GPR37: variants seen among roughly 807,000 people sequenced by gnomAD.
GPR37 encodes the protein prosaposin receptor GPR37.
In GPR37, 20 loss-of-function variants were observed where a neutral mutation model predicts 43.6. The ratio of observed to expected loss-of-function variants is 0.46; its 90% CI spans 0.32 to 0.67. The LOEUF (loss-of-function observed/expected upper bound fraction) is 0.67, where lower values mean the gene tolerates loss of function less well. Among genes scored for constraint, GPR37 ranks in the 30% least tolerant of loss-of-function variants. The pLI is 0.03. For missense variants in GPR37, 724 were observed against 797.2 expected (o/e 0.91, Z 1.11); for synonymous variants, 315 against 322.6 (o/e 0.98, Z 0.25).
chr7:124,756,657 T>C (rs1289542457), intron 1 of GPR37, among the ~76,000 whole-genome samples: 1 of 152,192 alleles, frequency 6.6e-6, no homozygotes, highest in African/African-American at 2.4e-5. Context: ...TATTGGACCT[T>C]GGCAGGTCAA....
intron 1 of GPR37, among the ~76,000 whole-genome samples, chr7:124,754,467 C>T (rs756615769): frequency 5.9e-5 from 9 of 151,894 alleles, no homozygotes; most frequent in Non-Finnish European, 1.0e-4. Flanking sequence ...CAAAACTTTC[C>T]GGTACAAATC....
rs1243521536 is a variant in GPR37 at position 124,764,306 on chromosome 7, G to T, written c.671C>A (p.Ser224Tyr). ...LPGRALAQNG[S>Y]LGEGIHEPGG... ...AGGCTCATGGATTCCTTCACCCAAG[G>T]ATCCATTCTGGGCCAGCGCCCGGCC... Residue 224 changes from serine (S) to tyrosine (Y), a missense_variant, in exon 1 of 2, where the codon TCC (serine) becomes TAC (tyrosine). Physicochemically the swap from Ser to Tyr is moderately radical, Grantham distance 144 (BLOSUM62 -2). This residue lies in a region of GPR37 where 382 missense variants were observed against 355.4 expected (regional missense o/e 1.07). Coordinates refer to ENST00000303921, the MANE Select transcript of GPR37 (RefSeq NM_005302.5). The surrounding 1 kb of genome is among the most constrained non-coding windows in gnomAD (Gnocchi z 5.4). 1 of 1,607,832 alleles carries T rather than the reference G, an allele frequency of 6.2e-7. No homozygotes were observed. The highest frequency in any genetic ancestry group is 8.5e-7 in the Non-Finnish European group (1 of 1,176,856).
chr7:124,754,933 T>C (rs930146603), intron 1 of GPR37, among the ~76,000 whole-genome samples: 3 of 152,288 alleles, frequency 2.0e-5, no homozygotes, highest in Admixed American at 1.3e-4. Context: ...CAGTGGGAGA[T>C]ACTTTTTTGA....
At chr7:124,747,377 T>C (rs1487312779) in intron 1 of GPR37, 34 bp from the exon 2 acceptor site, 14 of 1,404,486 alleles carry the variant, frequency 1.0e-5, no homozygotes, top group African/African-American at 2.8e-5. Context: ...TTATTCCCGG[T>C]GTCCCCCGAA....
chr7:124,760,980 A>C (rs1793844413), intron 1 of GPR37, among the ~76,000 whole-genome samples: 1 of 152,062 alleles, frequency 6.6e-6, no homozygotes. Flanking sequence ...ACATGGTGAA[A>C]GCCCATCTCT....
intron 1 of GPR37, among the ~76,000 whole-genome samples, chr7:124,756,507 A>G (rs1456505736): frequency 1.3e-5 from 2 of 152,136 alleles, no homozygotes; most frequent in Non-Finnish European, 2.9e-5. Flanking sequence ...ATAAAAAAAG[A>G]CCCTCCATAT....
chr7:124,764,821 G>T lies in GPR37; in HGVS notation c.156C>A (p.Arg52=). 1 of 1,613,706 alleles carries T rather than the reference G, an allele frequency of 6.2e-7. No homozygotes were observed. Among genetic ancestry groups the T allele is most frequent in the Non-Finnish European group, 8.5e-7 (1 of 1,180,020 alleles). Residue 52 remains arginine (R), a synonymous_variant, in exon 1 of 2, where the codon CGC becomes CGA. Coordinates refer to ENST00000303921, the MANE Select transcript of GPR37 (RefSeq NM_005302.5). The surrounding 1 kb of genome is among the most constrained non-coding windows in gnomAD (Gnocchi z 5.4). The stretch of plus-strand genomic sequence containing the variant: ...TTCCCGGTCCCCAGGCGTCCCTGCC[G>T]CGGCGCTGGATCACTGTAGGTGCAC... ...ESCAPTVIQR[R]GRDAWGPGNS...
chr7:124,759,480 C>A (rs1017982687), intron 1 of GPR37, among the ~76,000 whole-genome samples: 1 of 152,146 alleles, frequency 6.6e-6, no homozygotes, highest in Admixed American at 6.5e-5. Context: ...CTCCACCTCC[C>A]CTAATACACA....
Position 124,765,228 on chromosome 7 carries a change from G to A in GPR37, c.-252C>T, listed in dbSNP as rs1389014559. The A allele has an allele frequency of 4.7e-6, 2 of 423,166 alleles. No individual in the cohort carries two copies. Among genetic ancestry groups the A allele is most frequent in the African/African-American group, 4.1e-5 (2 of 48,606 alleles). The allele number at this position is 423,166 out of a possible 1,614,324, so 26.2% of individuals were successfully genotyped here. On this transcript the variant is annotated 5_prime_UTR_variant, in exon 1 of 2. Coordinates refer to ENST00000303921, the MANE Select transcript of GPR37 (RefSeq NM_005302.5). ...AGTCCCAGCAAGGTATGCCCTCCAA[G>A]GTTCCTAGAGGGAATAGGCTACTCC...
intron 1 of GPR37, among the ~76,000 whole-genome samples, chr7:124,748,252 G>A (rs1471557292): frequency 6.6e-6 from 1 of 152,124 alleles, no homozygotes; most frequent in African/African-American, 2.4e-5. Context: ...GTTTGGGTCT[G>A]GATGAACTGG....
At position 124,764,376 on chromosome 7, in the gene GPR37, C is replaced by T. The variant is rs1257956705; in HGVS notation, c.601G>A (p.Ala201Thr). The T allele has an allele frequency of 2.5e-6, 4 of 1,613,756 alleles. No homozygotes were observed. Among genetic ancestry groups the T allele is most frequent in the Non-Finnish European group, 8.5e-7 (1 of 1,180,026 alleles). Residue 201 changes from alanine to threonine, a missense_variant, in exon 1 of 2, where the codon GCC (alanine) becomes ACC (threonine). By Grantham distance (58) the Ala-to-Thr change is moderately conservative. Coordinates refer to ENST00000303921, the MANE Select transcript of GPR37 (RefSeq NM_005302.5). The surrounding 1 kb of genome is among the most constrained non-coding windows in gnomAD (Gnocchi z 5.4). The stretch of plus-strand genomic sequence containing the variant: ...CCTTCGTGCCCCGCCAGTCCATTGG[C>T]CGTCTTGGACAGGGGCTTGTGGTGG... The part of the protein sequence containing the change: ...GSHHKPLSKT[A>T]NGLAGHEGWT...
intron 1 of GPR37, 52 bp downstream of exon 1, chr7:124,763,894 GATGCTATA>G: frequency 1.4e-6 from 2 of 1,474,382 alleles, no homozygotes; most frequent in South Asian, 2.4e-5. Flanking sequence ...GCAGTTCTCT[GATGCTATA>G]ATCCCGAAAA....
At chr7:124,762,257 ATAT>A (rs1215258917) in intron 1 of GPR37, among the ~76,000 whole-genome samples, 1 of 152,080 alleles carries the variant, frequency 6.6e-6, no homozygotes, top group African/African-American at 2.4e-5. Context: ...CCTGAATTTG[ATAT>A]TCTTTTCTTT....
At position 124,753,722 on chromosome 7, in the gene GPR37, G is replaced by C. The variant is rs139016013; in HGVS notation, c.1024-6379C>G. Among the ~76,000 whole-genome samples the C allele has an allele frequency of 3.0e-3, 454 of 152,076 alleles. 2 individuals are homozygous for C. The highest frequency in any genetic ancestry group is 0.01 in the African/African-American group (435 of 41,496). ...CAGTCACCTGCATGGAAATGATACG[G>C]GTCCTCATCTAGTCCCTTATCACCA... On this transcript the variant is annotated intron_variant, in intron 1 of 1. Coordinates refer to ENST00000303921, the MANE Select transcript of GPR37 (RefSeq NM_005302.5).
intron 1 of GPR37, 73 bp downstream of exon 1, chr7:124,763,881 G>T: frequency 7.5e-7 from 1 of 1,337,980 alleles, no homozygotes. Flanking sequence ...GGTGCATCCA[G>T]CAGCAGTTCT....
At chr7:124,760,874 T>A (rs530546009) in intron 1 of GPR37, among the ~76,000 whole-genome samples, 10 of 152,336 alleles carry the variant, frequency 6.6e-5, no homozygotes, top group African/African-American at 2.4e-4. Context: ...AAAGCTACTG[T>A]AAGCTGGGCG....
chr7:124,759,066 A>AT (rs541602933), intron 1 of GPR37, among the ~76,000 whole-genome samples: 1,528 of 137,180 alleles, frequency 0.011, 20 homozygotes, highest in African/African-American at 0.023. Flanking sequence ...AATTATTTGA[A>AT]TTTTTTTTTT....
At chr7:124,759,028 T>C (rs1793822940) in intron 1 of GPR37, among the ~76,000 whole-genome samples, 1 of 152,104 alleles carries the variant, frequency 6.6e-6, no homozygotes, top group African/African-American at 2.4e-5. Flanking sequence ...GAGCAAAGAT[T>C]CATTCCAGTT....
chr7:124,750,769 C>T (rs1248944647), intron 1 of GPR37, among the ~76,000 whole-genome samples: 1 of 152,156 alleles, frequency 6.6e-6, no homozygotes, highest in Non-Finnish European at 1.5e-5. Context: ...TGCACATCCG[C>T]TCTTAATTAG....
Sources: gnomAD v4.1 joint callset for allele counts (sites outside exome capture counted in the v4.1 genomes callset) on GRCh38, gnomAD v4.1.1 for gene constraint, gnomAD v4.1.1 regional missense constraint, Gnocchi (gnomAD v3.1) non-coding constraint, MANE v1.5 for transcripts, NCBI Gene and HGNC (gene_info 2026-07-23, HGNC 2026-07-21) for gene names.